The following SVEP1 variants were observed in gnomAD, a reference collection of about 807,000 sequenced individuals.
The protein encoded by SVEP1 is sushi, von Willebrand factor type A, EGF and pentraxin domain containing 1.
In SVEP1, 164 loss-of-function variants were observed where a neutral mutation model predicts 367.3. The ratio of observed to expected loss-of-function variants is 0.45; its 90% CI spans 0.39 to 0.51. The LOEUF is 0.51. Ranked by LOEUF, SVEP1 falls within the 20% of genes least tolerant of loss-of-function variation. The pLI is 0.00. For missense variants in SVEP1, 4,117 were observed against 4,425.3 expected, an observed-to-expected ratio of 0.93 and a Z score of 1.98; for synonymous variants, 1,666 against 1,611.6, an observed-to-expected ratio of 1.03 and a Z score of -0.81.
intron 5 of SVEP1, among the ~76,000 whole-genome samples, chr9:110,510,284 G>T (rs1301967409): frequency 6.6e-6 from 1 of 152,182 alleles, no homozygotes; most frequent in East Asian, 1.9e-4. Context: ...AAGTTGACTT[G>T]TCAAGAACTC....
chr9:110,506,351 C>A (rs1286728145), intron 5 of SVEP1, among the ~76,000 whole-genome samples: 3 of 152,150 alleles, frequency 2.0e-5, no homozygotes, highest in African/African-American at 7.2e-5. Context: ...GCAACAAAAG[C>A]CAAAATTGAC....
rs1290055453 is a variant in SVEP1, at chr9:110,411,174, T to C, written c.6537A>G (p.Lys2179=). 1.9e-6 allele frequency: 3 copies of C among 1,613,988 alleles called. No homozygotes were observed. Among genetic ancestry groups the C allele is most frequent in the Non-Finnish European group, 2.5e-6 (3 of 1,179,878 alleles). ...CTTCGCAGGTGCTCTTCTTTTCCCC[T>C]TTGATGTAGAACCCCTTGTTGCAGC... The part of the protein sequence containing the change: ...AYSCNKGFYI[K]GEKKSTCEAT... Residue 2179 remains lysine, a synonymous_variant, in exon 37 of 48, where the codon AAA becomes AAG. Coordinates refer to ENST00000374469, the MANE Select transcript of SVEP1 (RefSeq NM_153366.4).
Position 110,505,476 on chromosome 9 carries a change from T to C in SVEP1, c.1304-2259A>G, listed in dbSNP as rs145493562. On this transcript the variant is annotated intron_variant, in intron 5 of 47. Coordinates refer to ENST00000374469, the MANE Select transcript of SVEP1 (RefSeq NM_153366.4). ...GGTTTCAGTTAATCCCCTCATATCCTAAACTTCCTTTTGAGCAACTTTTCC... is the reference window on the plus strand; with the variant it reads ...GGTTTCAGTTAATCCCCTCATATCCCAAACTTCCTTTTGAGCAACTTTTCC... Among the ~76,000 whole-genome samples, 224 of 152,294 alleles carry C rather than the reference T, an allele frequency of 1.5e-3. 2 individuals carry two copies. The highest frequency in any genetic ancestry group is 0.011 in the East Asian group (55 of 5,178).
At chr9:110,532,929 T>C (rs1446841573) in intron 3 of SVEP1, among the ~76,000 whole-genome samples, 1 of 152,134 alleles carries the variant, frequency 6.6e-6, no homozygotes, top group Non-Finnish European at 1.5e-5. Context: ...ACTGGTTTCA[T>C]GGAAGATAAT....
At chr9:110,441,165 G>A (rs1828504557) in intron 27 of SVEP1, among the ~76,000 whole-genome samples, 1 of 152,130 alleles carries the variant, frequency 6.6e-6, no homozygotes, top group African/African-American at 2.4e-5. Context: ...TTACAAAGAA[G>A]CAAAGGATGA....
At chr9:110,578,858 C>T (rs1184446280) in intron 1 of SVEP1, among the ~76,000 whole-genome samples, 155 bp downstream of exon 1, 2 of 152,062 alleles carry the variant, frequency 1.3e-5, no homozygotes, top group Non-Finnish European at 2.9e-5. Context: ...CAATAATAGG[C>T]GGGTAGCGAT....
chr9:110,511,234 G>A (rs974239977), intron 5 of SVEP1, among the ~76,000 whole-genome samples: 5 of 152,004 alleles, frequency 3.3e-5, no homozygotes, highest in African/African-American at 1.2e-4. Flanking sequence ...CCAAGATTTG[G>A]GTTGTGAGTA....
chr9:110,487,081 C>T (rs565529192), intron 9 of SVEP1, among the ~76,000 whole-genome samples: 6 of 152,192 alleles, frequency 3.9e-5, no homozygotes, highest in Non-Finnish European at 5.9e-5. Flanking sequence ...CTCAGTCTCC[C>T]GAGTAGCTGG....
chr9:110,451,546 A>C (rs577752942), intron 22 of SVEP1, 144 bp from the exon 23 acceptor site: 4 of 568,144 alleles, frequency 7.0e-6, no homozygotes, highest in Middle Eastern at 2.7e-4. Context: ...TTGAAATAAA[A>C]TGTTTCTTCT....
intron 22 of SVEP1, among the ~76,000 whole-genome samples, chr9:110,453,319 T>C (rs1280933371): frequency 1.3e-5 from 2 of 152,092 alleles, no homozygotes; most frequent in African/African-American, 2.4e-5. Context: ...TCCTAGTCTA[T>C]TTTATTAGAA....
chr9:110,432,912 A>T (rs1828373233), intron 30 of SVEP1, among the ~76,000 whole-genome samples: 1 of 152,200 alleles, frequency 6.6e-6, no homozygotes, highest in Non-Finnish European at 1.5e-5. Context: ...TCATGTTGAA[A>T]TGTGATCCCC....
chr9:110,565,228 G>A (rs1366242272), intron 1 of SVEP1, among the ~76,000 whole-genome samples: 1 of 152,170 alleles, frequency 6.6e-6, no homozygotes, highest in Non-Finnish European at 1.5e-5. Context: ...CTCAGATTAG[G>A]ATAAATTGAA....
intron 1 of SVEP1, among the ~76,000 whole-genome samples, chr9:110,552,266 G>A (rs1235417372): frequency 3.3e-5 from 5 of 151,704 alleles, no homozygotes; most frequent in African/African-American, 1.2e-4. Context: ...TCCTGACCTC[G>A]TGATCCACCT....
intron 3 of SVEP1, among the ~76,000 whole-genome samples, chr9:110,529,490 T>C (rs1421987494): frequency 6.6e-6 from 1 of 152,162 alleles, no homozygotes; most frequent in African/African-American, 2.4e-5. Flanking sequence ...TTCCAATTAA[T>C]AAGCATCGGA....
At chr9:110,569,763 C>T (rs940369501) in intron 1 of SVEP1, among the ~76,000 whole-genome samples, 2 of 152,108 alleles carry the variant, frequency 1.3e-5, no homozygotes, top group African/African-American at 2.4e-5. Context: ...TTTCAATAGA[C>T]ATAGTAATTA....
rs1298998712 is a variant in SVEP1 at position 110,365,577 on chromosome 9, G to C, written c.*962C>G. On this transcript the variant is annotated 3_prime_UTR_variant, in exon 48 of 48. Transcript: ENST00000374469. ...GGGAAGGCTTCATCTTGGTACAATTGTTGTGATAGAGGTAGGTGACAGTGA... is the reference window on the plus strand; with the variant it reads ...GGGAAGGCTTCATCTTGGTACAATTCTTGTGATAGAGGTAGGTGACAGTGA... 1 of 152,182 alleles carries C rather than the reference G, an allele frequency of 6.6e-6. No individual in the cohort carries two copies. Among genetic ancestry groups the C allele is most frequent in the Non-Finnish European group, 1.5e-5 (1 of 68,044 alleles). 9.4% of individuals were successfully genotyped at this position (152,182 alleles called of 1,614,324 possible).
At chr9:110,475,387 A>G (rs1429895162) in intron 14 of SVEP1, among the ~76,000 whole-genome samples, 2 of 152,216 alleles carry the variant, frequency 1.3e-5, no homozygotes, top group Non-Finnish European at 2.9e-5. Flanking sequence ...TTTATAGGTG[A>G]GGAAACTGAG....
chr9:110,435,470 TG>T (rs1828419065), intron 28 of SVEP1, 106 bp from the exon 29 acceptor site: 2 of 1,352,420 alleles, frequency 1.5e-6, no homozygotes, highest in Non-Finnish European at 1.0e-6. Context: ...TTTTTAGAGA[TG>T]GGGGTGGAGG....
At position 110,429,687 on chromosome 9, in the gene SVEP1, G is replaced by A. The variant is rs558740545; in HGVS notation, c.5615+233C>T. Among the ~76,000 whole-genome samples, 142 of 152,104 alleles carry A rather than the reference G, an allele frequency of 9.3e-4. 5 individuals are homozygous for A. The highest frequency in any genetic ancestry group is 9.1e-3 in the Admixed American group (139 of 15,264). The stretch of plus-strand genomic sequence containing the variant: ...CATCCACTCTCAGGGTGCCTCAAGG[G>A]GGCACTGGAGGTAATGATAGATTAT... On this transcript the variant is annotated intron_variant, in intron 34 of 47. Transcript: ENST00000374469.
Sources: gnomAD v4.1 joint callset for allele counts (sites outside exome capture counted in the v4.1 genomes callset) on GRCh38, gnomAD v4.1.1 for gene constraint, MANE v1.5 for transcripts, NCBI Gene and HGNC (gene_info 2026-07-23, HGNC 2026-07-21) for gene names.